Variants in FAM81A observed in about 807,000 individuals in gnomAD.
The protein encoded by FAM81A is family with sequence similarity 81 member A.
Under a neutral mutation model 46.7 loss-of-function variants are expected in FAM81A, and 19 were observed. The observed-to-expected ratio is 0.41, with a 90% CI of 0.28 to 0.60. FAM81A has a LOEUF of 0.60. FAM81A is among the 20% of genes least tolerant of loss of function. FAM81A has a pLI of 0.34. For synonymous variants in FAM81A, 183 were observed against 152.9 expected (o/e 1.20, Z -1.45); for missense variants, 377 against 453.5 (o/e 0.83, Z 1.53).
At chr15:59,437,707 C>G (rs1320561516), upstream of FAM81A, among the ~76,000 whole-genome samples, 1 of 151,982 alleles carries the variant, frequency 6.6e-6, no homozygotes, top group Admixed American at 6.5e-5. Context: ...TGAGGTGGGG[C>G]GGGGGAGAGA....
intron 2 of FAM81A, among the ~76,000 whole-genome samples, chr15:59,422,264 T>C (rs2081177491): frequency 6.6e-6 from 1 of 152,018 alleles, no homozygotes; most frequent in South Asian, 2.1e-4. Context: ...GACACATGCT[T>C]GTAGTACCAG....
intron 8 of FAM81A, among the ~76,000 whole-genome samples, chr15:59,519,523 C>G (rs2082305200): frequency 6.8e-6 from 1 of 147,092 alleles, no homozygotes; most frequent in Non-Finnish European, 1.5e-5. Flanking sequence ...TCTTTCTTTC[C>G]TTTCTTTCTC....
intron 4 of FAM81A, among the ~76,000 whole-genome samples, chr15:59,495,574 A>G (rs1346572230): frequency 1.3e-5 from 2 of 152,286 alleles, no homozygotes; most frequent in East Asian, 3.9e-4. Context: ...TCTATATTCA[A>G]CTTTTGAGGA....
intron 3 of FAM81A, among the ~76,000 whole-genome samples, chr15:59,473,554 A>G (rs2081725447): frequency 1.3e-5 from 2 of 152,198 alleles, no homozygotes; most frequent in African/African-American, 2.4e-5. Context: ...ATTAGAAAAT[A>G]CTGTTACTTC....
intron 2 of FAM81A, among the ~76,000 whole-genome samples, chr15:59,405,723 C>G (rs1443758709): frequency 6.6e-6 from 1 of 152,198 alleles, no homozygotes; most frequent in Admixed American, 6.5e-5. Context: ...TAAGTGCACT[C>G]CACACACAAG....
At chr15:59,510,718 T>C (rs955323491) in intron 6 of FAM81A, among the ~76,000 whole-genome samples, 1 of 129,958 alleles carries the variant, frequency 7.7e-6, no homozygotes, top group Non-Finnish European at 1.5e-5. Flanking sequence ...GTTGAGGCTG[T>C]AGTGAGCTAT....
intron 3 of FAM81A, among the ~76,000 whole-genome samples, chr15:59,489,537 A>G (rs1015869669): frequency 6.6e-6 from 1 of 152,164 alleles, no homozygotes; most frequent in Admixed American, 6.5e-5. Context: ...GACATTCTTC[A>G]CAGAAATAGA....
intron 2 of FAM81A, among the ~76,000 whole-genome samples, chr15:59,415,104 C>T (rs1374328218): frequency 1.3e-5 from 2 of 150,818 alleles, no homozygotes; most frequent in African/African-American, 4.9e-5. Context: ...GCGTGAGCCA[C>T]CGTGCCCAGC....
At chr15:59,519,835 A>G (rs1024928757) in intron 8 of FAM81A, among the ~76,000 whole-genome samples, 18 of 152,290 alleles carry the variant, frequency 1.2e-4, no homozygotes, top group Admixed American at 6.5e-4. Context: ...AGTTGTTTCC[A>G]TATCTTGGCT....
Position 59,486,238 on chromosome 15 carries a change from G to A in FAM81A, c.295-6033G>A, listed in dbSNP as rs150821389. Among the ~76,000 whole-genome samples the A allele has an allele frequency of 3.6e-3, 552 of 152,048 alleles. 1 individual carries two copies. Among genetic ancestry groups the A allele is most frequent in the African/African-American group, 0.013 (533 of 41,476 alleles). ...TAAAAAGAAGCAGAAATTCTGGAGT[G>A]GAAAAATGCTAGTGACATACTGAAG... On this transcript the variant is annotated intron_variant, in intron 3 of 8. Transcript: ENST00000288228.
At chr15:59,410,081 A>G in intron 2 of FAM81A, among the ~76,000 whole-genome samples, 1 of 152,092 alleles carries the variant, frequency 6.6e-6, no homozygotes, top group East Asian at 1.9e-4. Flanking sequence ...GCGGCGGATT[A>G]CGAGGTCAGG....
At chr15:59,415,408 G>A (rs570214697) in intron 2 of FAM81A, among the ~76,000 whole-genome samples, 20 of 152,216 alleles carry the variant, frequency 1.3e-4, no homozygotes, top group African/African-American at 4.8e-4. Context: ...GTGAGCCACC[G>A]CACCCAGCAA....
chr15:59,450,176 C>T (rs1008613963), intron 1 of FAM81A, among the ~76,000 whole-genome samples: 28 of 149,608 alleles, frequency 1.9e-4, no homozygotes, highest in Admixed American at 4.0e-4. Flanking sequence ...AGCCATCTGC[C>T]GCCTCGGCCT....
In FAM81A at chr15:59,461,975, A is replaced by C. The variant is rs1182384475; in HGVS notation, c.294+1769A>C. 2.6e-5 allele frequency among the ~76,000 whole-genome samples: 4 copies of C among 152,142 alleles called. 1 individual carries two copies. The highest frequency in any genetic ancestry group is 2.6e-4 in the Admixed American group (4 of 15,262). ...TCCCAGCTCTTAAGGAGGCCGAGGCAGGTGGATCACAAGGTCAGGAGATTG... is the reference window on the plus strand; with the variant it reads ...TCCCAGCTCTTAAGGAGGCCGAGGCCGGTGGATCACAAGGTCAGGAGATTG... On this transcript the variant is annotated intron_variant, in intron 3 of 8. Coordinates refer to ENST00000288228, the MANE Select transcript of FAM81A (RefSeq NM_152450.3).
intron 2 of FAM81A, among the ~76,000 whole-genome samples, chr15:59,421,762 T>TCTATCTATCTATCTATCTATCTATCTAC (rs2081173557): frequency 6.6e-6 from 1 of 151,402 alleles, no homozygotes; most frequent in South Asian, 2.1e-4. Context: ...TATCTATCTA[T>TCTATCTATCTATCTATCTATCTATCTAC]CTATCTATCT....
chr15:59,515,960 G>T (rs1375426583), intron 7 of FAM81A, among the ~76,000 whole-genome samples: 2 of 152,160 alleles, frequency 1.3e-5, no homozygotes, highest in Non-Finnish European at 2.9e-5. Context: ...ACCCTAGAGT[G>T]ATCCATATCT....
chr15:59,493,548 A>G (rs997690014), intron 4 of FAM81A, among the ~76,000 whole-genome samples: 1 of 152,102 alleles, frequency 6.6e-6, no homozygotes, highest in Non-Finnish European at 1.5e-5. Flanking sequence ...CCACCTTTGT[A>G]CATGCTGTTC....
chr15:59,490,829 G>T (rs2081972766), intron 3 of FAM81A, among the ~76,000 whole-genome samples: 2 of 152,132 alleles, frequency 1.3e-5, no homozygotes, highest in African/African-American at 4.8e-5. Context: ...GTGAGACTTA[G>T]TCTCAAAAAG....
intron 4 of FAM81A, among the ~76,000 whole-genome samples, chr15:59,501,761 C>T (rs1289183973): frequency 4.6e-5 from 7 of 151,950 alleles, no homozygotes; most frequent in Admixed American, 4.6e-4. Flanking sequence ...TCTAAAGACC[C>T]AAAAAGGGAA....
Sources: allele counts gnomAD v4.1 joint callset (sites outside exome capture counted in the v4.1 genomes callset), GRCh38; gene constraint gnomAD v4.1.1; transcripts MANE v1.5; gene names NCBI Gene and HGNC (gene_info 2026-07-23, HGNC 2026-07-21).